PTGIR: variants seen among roughly 807,000 people sequenced by gnomAD.
PTGIR encodes prostaglandin I2 receptor.
PTGIR carries 16 observed loss-of-function variants against 17.6 expected under a neutral mutation model. The observed-to-expected ratio is 0.91, with a 90% confidence interval of 0.61 to 1.38. PTGIR has a LOEUF of 1.38. PTGIR is among the 40% of genes most tolerant of loss of function. The probability of loss-of-function intolerance (pLI) is 0.00; values close to 1 mark genes in which losing one functional copy is unlikely to be tolerated. For missense variants in PTGIR, 532 were observed against 548.6 expected (o/e 0.97, Z 0.30); for synonymous variants, 274 against 255.4 (o/e 1.07, Z -0.69).
the PTGIR span, among the ~76,000 whole-genome samples, chr19:46,613,681 T>C: frequency 1.3e-5 from 2 of 152,096 alleles, no homozygotes; most frequent in Admixed American, 1.3e-4. Flanking sequence ...CCAGGCTGGA[T>C]GGACTGATTA....
At chr19:46,619,552 AGAGAGAG>A (rs1568675555), downstream of PTGIR, among the ~76,000 whole-genome samples, 816 of 70,866 alleles carry the variant, frequency 0.012, 11 homozygotes, top group Non-Finnish European at 0.016. Flanking sequence ...AAAGAAAGAG[AGAGAGAG>A]AGAGAGAGAG....
At chr19:46,622,561 T>C (rs780808221) in intron 2 of PTGIR, among the ~76,000 whole-genome samples, 10 of 147,762 alleles carry the variant, frequency 6.8e-5, no homozygotes, top group Non-Finnish European at 1.2e-4. Context: ...TGGGGAAGGA[T>C]GGGGGATGCA....
Position 46,624,051 on chromosome 19 carries a change from T to C in PTGIR, c.175A>G (p.Thr59Ala), listed in dbSNP as rs1484382427. The C allele has an allele frequency of 6.5e-7, 1 of 1,537,096 alleles. No individual in the cohort carries two copies. The highest frequency in any genetic ancestry group is 1.2e-5 in the South Asian group (1 of 83,166). ...AGGAAGCTGGTGCCCAGCAGGTCGGTGGCCGCCAGTCCGGTCACCAGCACC... is the reference window on the plus strand; with the variant it reads ...AGGAAGCTGGTGCCCAGCAGGTCGGCGGCCGCCAGTCCGGTCACCAGCACC... ...FAVLVTGLAA[T>A]DLLGTSFLSP... The change falls in exon 2 of 3, where the codon ACC (threonine) becomes GCC (alanine). Residue 59 changes from threonine (T) to alanine (A), a missense_variant. Transcript: ENST00000291294.
Position 46,621,331 on chromosome 19 carries a change from G to C in PTGIR, c.1110C>G (p.Ala370=), listed in dbSNP as rs766346736. Residue 370 remains alanine (A), a synonymous_variant, in exon 3 of 3, where the codon GCC becomes GCG. Transcript: ENST00000291294. The surrounding 1 kb of genome is among the most constrained non-coding windows in gnomAD (Gnocchi z 4.8). ...CTTCTGCTTTGGACGACGTTCCCAC[G>C]GCGCTGCCGCTGGACTGCTGTGTGG... The part of the protein sequence containing the change: ...LPPTQQSSGS[A]VGTSSKAEAS... 1.7e-5 allele frequency: 26 copies of C among 1,524,372 alleles called. No homozygotes were observed. The East Asian group carries it at 5.4e-4, about 32-fold the overall frequency. The allele number at this position is 1,524,372 out of a possible 1,614,324, so 94.4% of individuals were successfully genotyped here.
intron 2 of PTGIR, 198 bp downstream of exon 2, chr19:46,623,260 G>A: frequency 1.7e-6 from 1 of 572,340 alleles, no homozygotes; most frequent in Non-Finnish European, 2.8e-6. Flanking sequence ...GCCTCCCAAA[G>A]TGCTGGGATT....
At chr19:46,622,145 A>G in intron 2 of PTGIR, 1 of 985,256 alleles carries the variant, frequency 1.0e-6, no homozygotes, top group South Asian at 4.7e-5. Context: ...ACTGAAGCTC[A>G]GAAGAAAGGT....
rs2122321137 is a variant in PTGIR at position 46,620,507 on chromosome 19, G to A, written c.*773C>T. The A allele has an allele frequency of 1.0e-6, 1 of 985,438 alleles. No individual in the cohort carries two copies. Among genetic ancestry groups the A allele is most frequent in the South Asian group, 4.7e-5 (1 of 21,288 alleles). 61.0% of individuals were successfully genotyped at this position (985,438 alleles called of 1,614,324 possible). On this transcript the variant is annotated 3_prime_UTR_variant, in exon 3 of 3. Coordinates refer to ENST00000291294, the MANE Select transcript of PTGIR (RefSeq NM_000960.4). ...GAGGCTTTTATTTATTCAGGACCCTGGGGACAGGCACAGGACTTAGGTTTG... is the reference window on the plus strand; with the variant it reads ...GAGGCTTTTATTTATTCAGGACCCTAGGGACAGGCACAGGACTTAGGTTTG...
At chr19:46,618,294 G>A (rs563848394), downstream of PTGIR, among the ~76,000 whole-genome samples, 2 of 152,268 alleles carry the variant, frequency 1.3e-5, no homozygotes, top group East Asian at 1.9e-4. Flanking sequence ...GATTACAGGC[G>A]TGAGCCACTG....
the PTGIR span, chr19:46,614,278 G>C: frequency 2.7e-6 from 2 of 733,502 alleles, no homozygotes; most frequent in Non-Finnish European, 3.3e-6. Flanking sequence ...GGCCACTCCT[G>C]AGTGTCACTC....
chr19:46,615,029 C>A, the PTGIR span, among the ~76,000 whole-genome samples: 3 of 151,780 alleles, frequency 2.0e-5, no homozygotes, highest in Non-Finnish European at 2.9e-5. Context: ...GCCCCACCCC[C>A]CCAAAAAAAA....
chr19:46,613,369 C>A, the PTGIR span, among the ~76,000 whole-genome samples: 131 of 134,350 alleles, frequency 9.8e-4, no homozygotes, highest in Non-Finnish European at 1.7e-3. Flanking sequence ...CCCCCCCTTC[C>A]CCCCCAGCCT....
At position 46,620,814 on chromosome 19, in the gene PTGIR, T is replaced by C; in HGVS notation, c.*466A>G. ...AGGGAGCTTTTCCAATAACTGTGGTTTTTGTGGAGCAGAAAGGGGCTGGCT... is the reference window on the plus strand; with the variant it reads ...AGGGAGCTTTTCCAATAACTGTGGTCTTTGTGGAGCAGAAAGGGGCTGGCT... On this transcript the variant is annotated 3_prime_UTR_variant, in exon 3 of 3. Coordinates refer to ENST00000291294, the MANE Select transcript of PTGIR (RefSeq NM_000960.4). 1.0e-6 allele frequency: 1 copy of C among 986,740 alleles called. No homozygotes were observed. The highest frequency in any genetic ancestry group is 1.2e-6 in the Non-Finnish European group (1 of 830,666). The allele number at this position is 986,740 out of a possible 1,614,324, so 61.1% of individuals were successfully genotyped here. A position where few individuals can be genotyped will look rare whatever the true frequency, so the allele number is the denominator to read the frequency against.
the PTGIR span, among the ~76,000 whole-genome samples, chr19:46,612,175 T>G: frequency 6.6e-6 from 1 of 152,294 alleles, no homozygotes; most frequent in Non-Finnish European, 1.5e-5. Context: ...GTGGATAACT[T>G]GGGGTCTGAG....
chr19:46,614,535 A>G, the PTGIR span: 2 of 605,062 alleles, frequency 3.3e-6, no homozygotes, highest in Admixed American at 1.3e-4. Flanking sequence ...AGGCGCCTAG[A>G]GCAGTCAGCC....
downstream of PTGIR, among the ~76,000 whole-genome samples, chr19:46,615,728 G>A (rs551697313): frequency 7.3e-5 from 11 of 151,688 alleles, no homozygotes; most frequent in South Asian, 4.2e-4. Context: ...GGATGGTCTC[G>A]ATCTCCTGAC....
chr19:46,623,286 C>A, intron 2 of PTGIR, 172 bp downstream of exon 2: 1 of 771,240 alleles, frequency 1.3e-6, no homozygotes, highest in Non-Finnish European at 1.9e-6. Context: ...TGTGAGCCAC[C>A]GCATCCGGTC....
chr19:46,611,298 C>T, the PTGIR span, among the ~76,000 whole-genome samples: 5 of 152,124 alleles, frequency 3.3e-5, no homozygotes, highest in African/African-American at 9.7e-5. Context: ...GGAGCCCAGC[C>T]GGGTGAAGAG....
chr19:46,613,374 C>G, the PTGIR span, among the ~76,000 whole-genome samples: 50 of 143,816 alleles, frequency 3.5e-4, no homozygotes, highest in South Asian at 4.6e-4. Flanking sequence ...CCTTCCCCCC[C>G]AGCCTAGGCT....
rs773347692 is a variant in PTGIR, at chr19:46,623,527, G to A, written c.699C>T (p.Asp233=). 5.1e-6 allele frequency: 8 copies of A among 1,566,638 alleles called. No homozygotes were observed. Among genetic ancestry groups the A allele is most frequent in the Admixed American group, 1.9e-5 (1 of 52,546 alleles). ...SLGPRPRTGE[D]EVDHLILLAL... ...CCAGCAGGATCAGGTGGTCCACCTC[G>A]TCCTCTCCGGTGCGCGGCCGTGGAC... is the stretch of plus-strand genomic sequence containing the variant. Residue 233 remains aspartate, a synonymous_variant, in exon 2 of 3, where the codon GAC becomes GAT. Transcript: ENST00000291294.
Sources: gnomAD v4.1 joint callset for allele counts (sites outside exome capture counted in the v4.1 genomes callset) on GRCh38, gnomAD v4.1.1 for gene constraint, Gnocchi (gnomAD v3.1) non-coding constraint, MANE v1.5 for transcripts, NCBI Gene and HGNC (gene_info 2026-07-23, HGNC 2026-07-21) for gene names.